Variants in FRAS1 observed in about 807,000 individuals in gnomAD.
FRAS1 encodes extracellular matrix organizing protein FRAS1.
A neutral mutation model predicts 435.2 loss-of-function variants in FRAS1; 290 were observed. The ratio of observed to expected loss-of-function variants is 0.67; its 90% CI spans 0.61 to 0.73. FRAS1 has a LOEUF of 0.73. FRAS1 is among the 30% of genes least tolerant of loss of function. The pLI is 0.00. For synonymous variants in FRAS1, 1,800 were observed against 1,851.0 expected (o/e 0.97, Z 0.71); for missense variants, 4,860 against 5,001.5 (o/e 0.97, Z 0.85).
Position 78,515,990 on chromosome 4 carries a change from G to T in FRAS1, c.10366G>T (p.Gly3456Cys). 1 of 1,613,460 alleles carries T rather than the reference G, an allele frequency of 6.2e-7. No homozygotes were observed. Among genetic ancestry groups the T allele is most frequent in the Non-Finnish European group, 8.5e-7 (1 of 1,179,608 alleles). Residue 3456 changes from glycine to cysteine, a missense_variant, in exon 66 of 74, where the codon GGC (glycine) becomes TGC (cysteine). Gly to Cys is a radical substitution (Grantham distance 159, BLOSUM62 -3). Coordinates refer to ENST00000512123, the MANE Select transcript of FRAS1 (RefSeq NM_025074.7). ...GACTGAGCTGATTGACGTCTGTGGGGGCTCTGTAACCGCTGACTTCCAGGT... is the reference window on the plus strand; with the variant it reads ...GACTGAGCTGATTGACGTCTGTGGGTGCTCTGTAACCGCTGACTTCCAGGT... Reference protein sequence around the residue: ...DMTELIDVCGGSVTADFQVRD... With the variant: ...DMTELIDVCGCSVTADFQVRD...
At chr4:78,322,926 T>A (rs1275436326) in intron 18 of FRAS1, among the ~76,000 whole-genome samples, 1 of 152,148 alleles carries the variant, frequency 6.6e-6, no homozygotes, top group Non-Finnish European at 1.5e-5. Context: ...GAGAAATAGA[T>A]AATAAATAAT....
chr4:78,313,573 T>C (rs1729121269), intron 15 of FRAS1, among the ~76,000 whole-genome samples: 1 of 152,202 alleles, frequency 6.6e-6, no homozygotes, highest in Non-Finnish European at 1.5e-5. Flanking sequence ...CAGACTTGCC[T>C]GTGACTGCAC....
intron 2 of FRAS1, among the ~76,000 whole-genome samples, chr4:78,118,333 G>C (rs918936115): frequency 9.9e-5 from 15 of 152,204 alleles, no homozygotes; most frequent in African/African-American, 3.6e-4. Flanking sequence ...TGCGTGCTGG[G>C]AGAACCACTG....
At chr4:78,117,470 A>T (rs1718683389) in intron 2 of FRAS1, among the ~76,000 whole-genome samples, 1 of 152,180 alleles carries the variant, frequency 6.6e-6, no homozygotes, top group Non-Finnish European at 1.5e-5. Context: ...CAGATACACC[A>T]ATCAGACGTA....
At chr4:78,195,358 CT>C (rs1300909219) in intron 2 of FRAS1, among the ~76,000 whole-genome samples, 1 of 152,244 alleles carries the variant, frequency 6.6e-6, no homozygotes, top group Admixed American at 6.5e-5. Flanking sequence ...TGGCATTGCC[CT>C]GCCCCCAGAG....
chr4:78,332,522 T>G (rs1308205785), intron 18 of FRAS1, among the ~76,000 whole-genome samples: 3 of 152,226 alleles, frequency 2.0e-5, no homozygotes, highest in African/African-American at 7.2e-5. Flanking sequence ...CCAAGATTTA[T>G]TAAGCCCTTA....
At chr4:78,121,362 C>G (rs1000331761) in intron 2 of FRAS1, among the ~76,000 whole-genome samples, 1 of 152,164 alleles carries the variant, frequency 6.6e-6, no homozygotes, top group Non-Finnish European at 1.5e-5. Context: ...AAACAAGCCC[C>G]CCACATACTG....
intron 48 of FRAS1, 109 bp downstream of exon 48, chr4:78,464,254 T>C (rs1388791417): frequency 1.4e-6 from 2 of 1,441,826 alleles, no homozygotes; most frequent in Non-Finnish European, 1.9e-6. Context: ...TTTCCTCTGC[T>C]CTCAGTCAAG....
At chr4:78,230,043 C>G (rs914313556) in intron 2 of FRAS1, among the ~76,000 whole-genome samples, 8 of 152,178 alleles carry the variant, frequency 5.3e-5, no homozygotes, top group African/African-American at 1.9e-4. Context: ...CATTTTTAAG[C>G]TATAATTAGC....
rs74467770 is a variant in FRAS1, at chr4:78,520,662, A to G, written c.10541-861A>G. On this transcript the variant is annotated intron_variant, in intron 67 of 73. Transcript: ENST00000512123. ...ATGCTATATAAATAGTTGTTATGCT[A>G]TATTGTTTAGGAAATAATGACAAAA... 5.7e-3 allele frequency among the ~76,000 whole-genome samples: 868 copies of G among 152,298 alleles called. 5 individuals carry two copies. The highest frequency in any genetic ancestry group is 0.013 in the South Asian group (61 of 4,826).
chr4:78,470,411 T>G (rs1246498002), intron 51 of FRAS1, among the ~76,000 whole-genome samples: 1 of 152,126 alleles, frequency 6.6e-6, no homozygotes, highest in Non-Finnish European at 1.5e-5. Flanking sequence ...CATGAGCACT[T>G]AGAGATGTGG....
Position 78,448,653 on chromosome 4 carries a change from A to G in FRAS1, c.6274+337A>G, listed in dbSNP as rs191609341. 5.9e-3 allele frequency among the ~76,000 whole-genome samples: 654 copies of G among 110,208 alleles called. 5 individuals carry two copies. The highest frequency in any genetic ancestry group is 0.019 in the African/African-American group (631 of 33,092). 72.3% of individuals were successfully genotyped at this position (110,208 alleles called of 152,430 possible). A position where few individuals can be genotyped will look rare whatever the true frequency, so the allele number is the denominator to read the frequency against. On this transcript the variant is annotated intron_variant, in intron 44 of 73. Transcript: ENST00000512123. ...TTTCCTCTAACATTACTCCCATTCA[A>G]CAAACCCCATGGAAACAAATAACGA...
At chr4:78,292,160 T>A (rs28737438) in intron 14 of FRAS1, among the ~76,000 whole-genome samples, 58,452 of 152,056 alleles carry the variant, frequency 0.38, 11,312 homozygotes, top group African/African-American at 0.42. Context: ...CAAATAGCTT[T>A]CATTAAGTAA....
chr4:78,533,234 G>A (rs1462308912), intron 70 of FRAS1, among the ~76,000 whole-genome samples: 10 of 152,106 alleles, frequency 6.6e-5, no homozygotes, highest in African/African-American at 2.2e-4. Context: ...TCCTTAGAAC[G>A]TAACTTCCCT....
intron 47 of FRAS1, among the ~76,000 whole-genome samples, chr4:78,455,424 A>C (rs7693839): frequency 6.6e-6 from 1 of 151,106 alleles, no homozygotes; most frequent in Admixed American, 6.6e-5. Flanking sequence ...TTGAGGAGGG[A>C]GGGGGTTCTG....
At chr4:78,203,560 TA>T (rs1322226263) in intron 2 of FRAS1, among the ~76,000 whole-genome samples, 8 of 151,948 alleles carry the variant, frequency 5.3e-5, no homozygotes, top group Non-Finnish European at 1.0e-4. Context: ...TATTTTATTT[TA>T]TTTTTTTATT....
rs748043452 is a variant in FRAS1, at chr4:78,513,586, T to C, written c.10174+34T>C. 3.1e-6 allele frequency: 5 copies of C among 1,591,986 alleles called. No individual in the cohort carries two copies. The South Asian group carries it at 4.5e-5, about 14-fold the overall frequency. ...GACAAGTTCAGGACTGGTCTTTCCA[T>C]GCTAGCCCAGTGCAGTTGACTTTCA... On this transcript the variant is annotated intron_variant, in intron 65 of 73. Coordinates refer to ENST00000512123, the MANE Select transcript of FRAS1 (RefSeq NM_025074.7).
In FRAS1 at chr4:78,128,635, T is replaced by A. The variant is rs555520057; in HGVS notation, c.108+62619T>A. On this transcript the variant is annotated intron_variant, in intron 2 of 73. Transcript: ENST00000512123. ...TTTCTTGTAAATTTGTTTGAGTTCA[T>A]TGTAGATTCTGGATATTAGCCCTTT... 2.1e-3 allele frequency among the ~76,000 whole-genome samples: 320 copies of A among 152,318 alleles called. 4 individuals carry two copies. Among genetic ancestry groups the A allele is most frequent in the Non-Finnish European group, 6.6e-4 (45 of 68,030 alleles).
chr4:78,213,354 A>T (rs1723600402), intron 2 of FRAS1, among the ~76,000 whole-genome samples: 1 of 152,244 alleles, frequency 6.6e-6, no homozygotes. Context: ...AGTGCTTTCC[A>T]CTTGGGCATG....
Sources: allele counts gnomAD v4.1 joint callset (sites outside exome capture counted in the v4.1 genomes callset), GRCh38; gene constraint gnomAD v4.1.1; transcripts MANE v1.5; gene names NCBI Gene and HGNC (gene_info 2026-07-23, HGNC 2026-07-21).